The following STK32C variants were observed in gnomAD, a reference collection of about 807,000 sequenced individuals.
STK32C encodes the protein serine/threonine kinase 32C.
In STK32C, 31 loss-of-function variants were observed where a neutral mutation model predicts 56.5. The ratio of observed to expected loss-of-function variants is 0.55; its 90% CI spans 0.41 to 0.74. STK32C has a LOEUF of 0.74. Among genes scored for constraint, STK32C ranks in the 30% least tolerant of loss-of-function variants. The pLI, the probability that STK32C is intolerant of heterozygous loss-of-function variation, is 0.00. For synonymous variants in STK32C, 309 were observed against 289.4 expected, an observed-to-expected ratio of 1.07 and a Z score of -0.69; for missense variants, 544 against 676.9, an observed-to-expected ratio of 0.80 and a Z score of 2.18.
intron 1 of STK32C, among the ~76,000 whole-genome samples, chr10:132,274,327 G>A (rs374665219): frequency 2.0e-4 from 30 of 152,306 alleles, no homozygotes; most frequent in East Asian, 1.9e-3. Flanking sequence ...CACACCAAAT[G>A]TGGGTCAACA....
intron 1 of STK32C, among the ~76,000 whole-genome samples, chr10:132,269,873 G>A (rs955748226): frequency 5.9e-5 from 9 of 152,194 alleles, no homozygotes; most frequent in Admixed American, 2.0e-4. Context: ...AGCCTGCCAC[G>A]GCCATAATAG....
chr10:132,314,499 G>A lies in STK32C; in HGVS notation c.301+16937C>T, dbSNP rs147077115. On this transcript the variant is annotated intron_variant, in intron 1 of 3. Coordinates refer to the STK32C transcript ENST00000368620. ...GGAAAATAAAGAGCAGAGTGGTAGA[G>A]TTCATCATTACAGTAAACGTAAATG... 3.9e-3 allele frequency among the ~76,000 whole-genome samples: 597 copies of A among 152,318 alleles called. 5 individuals carry two copies. The highest frequency in any genetic ancestry group is 0.014 in the African/African-American group (567 of 41,558).
At chr10:132,232,885 C>T (rs2063150599) in intron 2 of STK32C, among the ~76,000 whole-genome samples, 1 of 152,212 alleles carries the variant, frequency 6.6e-6, no homozygotes, top group Non-Finnish European at 1.5e-5. Context: ...CATGTGACTG[C>T]CAATTCAACC....
chr10:132,296,733 T>C lies in STK32C; in HGVS notation c.262+10839A>G, dbSNP rs142236765. On this transcript the variant is annotated intron_variant, in intron 1 of 11. Transcript: ENST00000298630. Reference sequence around the variant, plus strand: ...GTGGTTAGACCGGGCAACCACACAATTGATCATCCAAACCAGGCCACTTGG... The same window carrying C: ...GTGGTTAGACCGGGCAACCACACAACTGATCATCCAAACCAGGCCACTTGG... 9.8e-4 allele frequency among the ~76,000 whole-genome samples: 149 copies of C among 152,310 alleles called. 1 individual carries two copies. The highest frequency in any genetic ancestry group is 2.2e-3 in the Admixed American group (34 of 15,306).
intron 1 of STK32C, among the ~76,000 whole-genome samples, chr10:132,298,194 C>T (rs550476676): frequency 6.6e-6 from 1 of 152,352 alleles, no homozygotes; most frequent in Non-Finnish European, 1.5e-5. Context: ...CCCCCAGATG[C>T]GGAGACTTCA....
At chr10:132,237,613 G>A (rs2137835886) in intron 2 of STK32C, among the ~76,000 whole-genome samples, 1 of 152,342 alleles carries the variant, frequency 6.6e-6, no homozygotes, top group East Asian at 1.9e-4. Flanking sequence ...TGAACCCAAA[G>A]CAGAGGGCGA....
chr10:132,296,443 G>A (rs982143926), intron 1 of STK32C, among the ~76,000 whole-genome samples: 3 of 152,060 alleles, frequency 2.0e-5, no homozygotes, highest in African/African-American at 4.8e-5. Context: ...GACGTAAGGG[G>A]AAACTGCTTC....
chr10:132,281,530 ATTGTC>A (rs1180361487), intron 1 of STK32C, among the ~76,000 whole-genome samples: 4 of 152,098 alleles, frequency 2.6e-5, no homozygotes, highest in Admixed American at 1.3e-4. Context: ...GCTTAATATG[ATTGTC>A]TTTTTTTAAA....
At chr10:132,227,404 T>C (rs1051580242) in intron 3 of STK32C, among the ~76,000 whole-genome samples, 2 of 152,178 alleles carry the variant, frequency 1.3e-5, no homozygotes, top group Non-Finnish European at 2.9e-5. Context: ...GCATCCATGG[T>C]GTTGACGATG....
At chr10:132,238,082 G>A (rs1007504696) in intron 2 of STK32C, among the ~76,000 whole-genome samples, 1 of 152,122 alleles carries the variant, frequency 6.6e-6, no homozygotes, top group African/African-American at 2.4e-5. Flanking sequence ...GCAGGCAAGT[G>A]GACGAGGCCT....
chr10:132,327,147 A>G (rs942780842), intron 1 of STK32C, among the ~76,000 whole-genome samples: 2 of 152,272 alleles, frequency 1.3e-5, no homozygotes, highest in Middle Eastern at 3.4e-3. Context: ...GGTGGGAGGT[A>G]ACTGAATCAT....
Position 132,211,453 on chromosome 10 carries a change from C to T in STK32C, c.1252-2352G>A, listed in dbSNP as rs754183391. Among the ~76,000 whole-genome samples, 19 of 152,194 alleles carry T rather than the reference C, an allele frequency of 1.2e-4. No homozygotes were observed. The East Asian group carries it at 3.5e-3, about 28-fold the overall frequency. On this transcript the variant is annotated intron_variant, in intron 10 of 11. Coordinates refer to ENST00000298630, the MANE Select transcript of STK32C (RefSeq NM_173575.4). ...CATGTTTTCCTAGGCAGAGAGGCCA[C>T]CAGAAGCCTGAGGAGCTGCTCCAGA...
intron 1 of STK32C, among the ~76,000 whole-genome samples, chr10:132,293,928 C>T (rs2065651987): frequency 6.6e-6 from 1 of 152,214 alleles, no homozygotes; most frequent in African/African-American, 2.4e-5. Flanking sequence ...CTGACGGTCA[C>T]AGGCACGAGG....
chr10:132,286,678 A>G (rs1298946391), intron 1 of STK32C, among the ~76,000 whole-genome samples: 4 of 152,258 alleles, frequency 2.6e-5, no homozygotes, highest in Admixed American at 6.5e-5. Flanking sequence ...AAGAAAAAGC[A>G]TTTGACAAAA....
chr10:132,229,794 G>A (rs1014121260), intron 2 of STK32C, among the ~76,000 whole-genome samples: 19 of 152,374 alleles, frequency 1.2e-4, no homozygotes, highest in South Asian at 2.1e-4. Context: ...TGTGCACAGA[G>A]CACCGGGCTG....
At chr10:132,272,628 C>T (rs998669240) in intron 1 of STK32C, among the ~76,000 whole-genome samples, 7 of 152,196 alleles carry the variant, frequency 4.6e-5, no homozygotes, top group African/African-American at 1.4e-4. Flanking sequence ...CCGCATCTTG[C>T]CCCTCCTCTG....
intron 4 of STK32C, among the ~76,000 whole-genome samples, chr10:132,226,089 C>T (rs112361986): frequency 6.6e-6 from 1 of 152,228 alleles, no homozygotes; most frequent in Non-Finnish European, 1.5e-5. Flanking sequence ...TCTGCCCTCC[C>T]CCTCCAAGAC....
At chr10:132,221,258 A>G (rs568832260) in intron 10 of STK32C, among the ~76,000 whole-genome samples, 166 of 139,526 alleles carry the variant, frequency 1.2e-3, no homozygotes, top group African/African-American at 4.1e-3. Flanking sequence ...TCACGTGGCC[A>G]TCCCCACACA....
chr10:132,244,176 G>A (rs1233596637), intron 2 of STK32C, among the ~76,000 whole-genome samples: 3 of 152,058 alleles, frequency 2.0e-5, no homozygotes, highest in East Asian at 1.9e-4. Flanking sequence ...ATCAACAAGC[G>A]CCGCACAGAA....
Sources: allele counts gnomAD v4.1 joint callset (sites outside exome capture counted in the v4.1 genomes callset), GRCh38; gene constraint gnomAD v4.1.1; transcripts MANE v1.5; gene names NCBI Gene and HGNC (gene_info 2026-07-23, HGNC 2026-07-21).